The following MME variants were observed in gnomAD, a reference collection of about 807,000 sequenced individuals.
MME encodes membrane metalloendopeptidase.
Under a neutral mutation model 113.2 loss-of-function variants are expected in MME, and 98 were observed. That is an observed-to-expected ratio of 0.87 (90% confidence interval 0.74 to 1.02). The LOEUF (loss-of-function observed/expected upper bound fraction) is 1.02. Among genes scored for constraint, MME ranks in the 50% least tolerant of loss-of-function variants. The pLI is 0.00. For synonymous variants in MME, 292 were observed against 300.6 expected, an observed-to-expected ratio of 0.97 and a Z score of 0.30; for missense variants, 836 against 896.0, an observed-to-expected ratio of 0.93 and a Z score of 0.86.
At chr3:155,118,957 G>A (rs927797102) in intron 8 of MME, 146 bp downstream of exon 8, 1 of 653,318 alleles carries the variant, frequency 1.5e-6, no homozygotes, top group Non-Finnish European at 2.8e-6. Flanking sequence ...ATAATAGTGA[G>A]CTGTCTTTGA....
At chr3:155,157,293 C>T (rs1326518434) in intron 16 of MME, among the ~76,000 whole-genome samples, 1 of 152,116 alleles carries the variant, frequency 6.6e-6, no homozygotes, top group Admixed American at 6.6e-5. Context: ...ATACAGACCA[C>T]CAGAGGAAGG....
At chr3:155,144,642 A>T (rs891175028) in intron 14 of MME, among the ~76,000 whole-genome samples, 185 bp downstream of exon 14, 6 of 152,312 alleles carry the variant, frequency 3.9e-5, no homozygotes, top group African/African-American at 1.4e-4. Flanking sequence ...TTAATCTTTT[A>T]TCTCTGCAAC....
rs1184446617 is a variant in MME at position 155,033,642 on chromosome 3, C to T, written c.-11+9318C>T. On this transcript the variant is annotated intron_variant, in intron 1 of 22. Transcript: ENST00000492661. ...TAAAAGGCAACATTTGTTGGCTAAACATTGCTTCCTATTTGATGTTAAAAC... is the reference window on the plus strand; with the variant it reads ...TAAAAGGCAACATTTGTTGGCTAAATATTGCTTCCTATTTGATGTTAAAAC... 2.6e-5 allele frequency among the ~76,000 whole-genome samples: 4 copies of T among 152,064 alleles called. No homozygotes were observed. In the East Asian group the frequency reaches 7.7e-4, roughly 29 times the overall value.
At chr3:155,093,835 G>A (rs1192583820) in intron 3 of MME, among the ~76,000 whole-genome samples, 2 of 145,104 alleles carry the variant, frequency 1.4e-5, no homozygotes, top group South Asian at 2.2e-4. Flanking sequence ...CAGCCTGGGC[G>A]ACAGAGTGAG....
chr3:155,049,625 G>GTC (rs1713684929), intron 1 of MME, among the ~76,000 whole-genome samples: 1 of 134,774 alleles, frequency 7.4e-6, no homozygotes, highest in African/African-American at 2.7e-5. Context: ...TATCATCTTA[G>GTC]TATATCTATC....
chr3:155,172,388 TGC>T (rs754222821), intron 21 of MME, 146 bp from the exon 22 acceptor site: 8 of 804,136 alleles, frequency 9.9e-6, no homozygotes, highest in African/African-American at 1.7e-5. Flanking sequence ...TGTTCCTGGT[TGC>T]CTTTCATTGA....
At chr3:155,078,649 A>ATG (rs531692651), upstream of MME, among the ~76,000 whole-genome samples, 2,140 of 130,704 alleles carry the variant, frequency 0.016, 23 homozygotes, top group South Asian at 0.069. Context: ...GAGTGTGAAT[A>ATG]TGTGTGTGTA....
rs185174603 is a variant in MME at position 155,067,123 on chromosome 3, G to A, written c.-10-17035G>A. ...TGTTGAAGAAAGCTATGCTTTCCTT[G>A]TGCTTGCAAAAGATTCTCCCAGAGA... On this transcript the variant is annotated intron_variant, in intron 1 of 22. Coordinates refer to the MME transcript ENST00000492661. 1.8e-3 allele frequency among the ~76,000 whole-genome samples: 271 copies of A among 149,176 alleles called. 1 individual carries two copies. Among genetic ancestry groups the A allele is most frequent in the Non-Finnish European group, 3.0e-3 (200 of 67,546 alleles).
rs1711586307 is a variant in MME, at chr3:155,168,713, A to C, written c.1915-19A>C. The C allele has an allele frequency of 1.9e-6, 3 of 1,612,406 alleles. No individual in the cohort carries two copies. Among genetic ancestry groups the C allele is most frequent in the Non-Finnish European group, 2.5e-6 (3 of 1,178,690 alleles). ...GGTTTCTTTTTTTAACAATCCTAAT[A>C]AAGTGTCTTTTTTAACAGCTTAATG... On this transcript the variant is annotated intron_variant, in intron 19 of 22. Coordinates refer to ENST00000360490, the MANE Select transcript of MME (RefSeq NM_007289.4).
At chr3:155,103,784 T>C (rs563356163) in intron 3 of MME, among the ~76,000 whole-genome samples, 1 of 152,316 alleles carries the variant, frequency 6.6e-6, no homozygotes, top group South Asian at 2.1e-4. Flanking sequence ...TTTAGCTAAG[T>C]GTTGCTGTTC....
chr3:155,166,474 G>A (rs1296181896), intron 17 of MME, among the ~76,000 whole-genome samples: 3 of 152,044 alleles, frequency 2.0e-5, no homozygotes, highest in African/African-American at 4.8e-5. Flanking sequence ...AATAATATTG[G>A]TGTTACTGAG....
At chr3:155,036,360 C>T (rs894915753) in intron 1 of MME, among the ~76,000 whole-genome samples, 3 of 152,200 alleles carry the variant, frequency 2.0e-5, no homozygotes, top group Admixed American at 2.0e-4. Context: ...GTAACCATCA[C>T]TGGAATCAAG....
At chr3:155,166,075 T>A (rs1371840838) in intron 17 of MME, among the ~76,000 whole-genome samples, 1 of 152,216 alleles carries the variant, frequency 6.6e-6, no homozygotes, top group Non-Finnish European at 1.5e-5. Context: ...GATCATTCAT[T>A]TATTTATCAT....
intron 3 of MME, among the ~76,000 whole-genome samples, chr3:155,086,646 G>A (rs1202958138): frequency 2.0e-5 from 3 of 152,284 alleles, no homozygotes; most frequent in South Asian, 2.1e-4. Flanking sequence ...TCAAGAAAAA[G>A]GAAGGTGGTA....
At chr3:155,145,769 A>G (rs1385631338) in intron 14 of MME, among the ~76,000 whole-genome samples, 1 of 152,208 alleles carries the variant, frequency 6.6e-6, no homozygotes, top group Admixed American at 6.6e-5. Context: ...TTGTGTGTTT[A>G]CTACCTTATA....
At chr3:155,162,123 T>C (rs1481492325) in intron 17 of MME, among the ~76,000 whole-genome samples, 1 of 152,186 alleles carries the variant, frequency 6.6e-6, no homozygotes, top group Non-Finnish European at 1.5e-5. Context: ...TTCATTTCAG[T>C]CCAGCCCAGG....
intron 22 of MME, among the ~76,000 whole-genome samples, chr3:155,180,125 T>C (rs1272819822): frequency 6.6e-6 from 1 of 152,242 alleles, no homozygotes; most frequent in Non-Finnish European, 1.5e-5. Context: ...ATAAGCAGGA[T>C]TCAAGCCATG....
At chr3:155,127,975 A>G (rs1318642498) in intron 8 of MME, among the ~76,000 whole-genome samples, 1 of 152,228 alleles carries the variant, frequency 6.6e-6, no homozygotes, top group Non-Finnish European at 1.5e-5. Flanking sequence ...AACGATCTGA[A>G]TCAGACTAGC....
upstream of MME, chr3:155,079,636 G>GA (rs1031079572): frequency 3.6e-5 from 5 of 138,946 alleles, no homozygotes; most frequent in South Asian, 8.4e-4. Context: ...GGGGTGGGGG[G>GA]GGTGGGCCGT....
Sources: allele counts gnomAD v4.1 joint callset (sites outside exome capture counted in the v4.1 genomes callset), GRCh38; gene constraint gnomAD v4.1.1; transcripts MANE v1.5; gene names NCBI Gene and HGNC (gene_info 2026-07-23, HGNC 2026-07-21).